BBS9: variants seen among roughly 807,000 people sequenced by gnomAD.
BBS9 encodes protein PTHB1.
BBS9 carries 89 observed loss-of-function variants against 117.7 expected under a neutral mutation model. That is an observed-to-expected ratio of 0.76 (90% CI 0.64 to 0.90). BBS9 has a LOEUF of 0.90. Ranked by LOEUF, BBS9 falls within the 40% of genes least tolerant of loss-of-function variation. The pLI, the probability that BBS9 is intolerant of heterozygous loss-of-function variation, is 0.00. For missense variants in BBS9, 982 were observed against 1,042.2 expected (o/e 0.94, Z 0.80); for synonymous variants, 379 against 370.9 (o/e 1.02, Z -0.25).
intron 9 of BBS9, among the ~76,000 whole-genome samples, chr7:33,307,647 T>C (rs1808305035): frequency 6.6e-6 from 1 of 152,228 alleles, no homozygotes; most frequent in African/African-American, 2.4e-5. Context: ...TTATTTAATG[T>C]CATCTCTAGA....
intron 19 of BBS9, among the ~76,000 whole-genome samples, chr7:33,488,556 T>C (rs1843427181): frequency 1.3e-5 from 2 of 152,190 alleles, no homozygotes; most frequent in African/African-American, 4.8e-5. Context: ...AACTTTTCTG[T>C]TTCCTTAACA....
At chr7:33,344,676 A>G (rs1563034482) in intron 12 of BBS9, 42 bp downstream of exon 12, 2 of 1,552,052 alleles carry the variant, frequency 1.3e-6, no homozygotes, top group Non-Finnish European at 1.8e-6. Flanking sequence ...AAACAATATG[A>G]TTTATTTCAT....
At chr7:33,554,607 G>A (rs1279637387) in intron 21 of BBS9, among the ~76,000 whole-genome samples, 2 of 152,170 alleles carry the variant, frequency 1.3e-5, no homozygotes, top group African/African-American at 2.4e-5. Context: ...GTGTATGTGA[G>A]TTGGGGAGGG....
At chr7:33,345,793 A>G (rs1305889601) in intron 12 of BBS9, among the ~76,000 whole-genome samples, 1 of 152,248 alleles carries the variant, frequency 6.6e-6, no homozygotes, top group Non-Finnish European at 1.5e-5. Flanking sequence ...TCTACTGATA[A>G]CGTTCAGACA....
chr7:33,628,751 G>C (rs568740767), intron 21 of BBS9, among the ~76,000 whole-genome samples: 2 of 152,302 alleles, frequency 1.3e-5, no homozygotes, highest in Admixed American at 6.5e-5. Flanking sequence ...TTTATTCCCA[G>C]ATAATGTCAT....
intron 19 of BBS9, among the ~76,000 whole-genome samples, chr7:33,392,822 T>C (rs1827284118): frequency 6.6e-6 from 1 of 152,196 alleles, no homozygotes; most frequent in East Asian, 1.9e-4. Context: ...CTATGGACTC[T>C]GAAGATAATT....
At chr7:33,456,488 A>G (rs976461314) in intron 19 of BBS9, among the ~76,000 whole-genome samples, 10 of 152,094 alleles carry the variant, frequency 6.6e-5, no homozygotes, top group African/African-American at 2.2e-4. Flanking sequence ...AGTCTAATAC[A>G]AAGTTATTTT....
At chr7:33,251,696 A>G (rs1224829361) in intron 5 of BBS9, among the ~76,000 whole-genome samples, 1 of 152,246 alleles carries the variant, frequency 6.6e-6, no homozygotes, top group Non-Finnish European at 1.5e-5. Context: ...TTCCACTGCT[A>G]GGTCTAGTTT....
At chr7:33,359,705 T>C (rs546397875) in intron 16 of BBS9, among the ~76,000 whole-genome samples, 1 of 152,244 alleles carries the variant, frequency 6.6e-6, no homozygotes, top group African/African-American at 2.4e-5. Flanking sequence ...CTTCTGTGTC[T>C]GTTTTTTTTA....
At chr7:33,362,653 T>C (rs1820839314) in intron 16 of BBS9, among the ~76,000 whole-genome samples, 1 of 152,242 alleles carries the variant, frequency 6.6e-6, no homozygotes, top group Non-Finnish European at 1.5e-5. Context: ...CATTGTGTTT[T>C]GATGACTGTA....
intron 21 of BBS9, among the ~76,000 whole-genome samples, chr7:33,579,482 G>T (rs555545305): frequency 6.6e-6 from 1 of 152,096 alleles, no homozygotes; most frequent in Non-Finnish European, 1.5e-5. Flanking sequence ...GGTTTGGCCC[G>T]GCGTGTATCA....
Position 33,600,323 on chromosome 7 carries a change from T to C in BBS9, c.2522-4542T>C, listed in dbSNP as rs1012345223. On this transcript the variant is annotated intron_variant, in intron 21 of 22. Coordinates refer to ENST00000242067, the MANE Select transcript of BBS9 (RefSeq NM_198428.3). Reference sequence around the variant, plus strand: ...TGATGTCTTATTCATTTAATTTTTCTACTAGTTCTTTTTATTCATTTCTGT... The same window carrying C: ...TGATGTCTTATTCATTTAATTTTTCCACTAGTTCTTTTTATTCATTTCTGT... Among the ~76,000 whole-genome samples the C allele has an allele frequency of 1.3e-5, 2 of 152,194 alleles. 1 individual carries two copies. Among genetic ancestry groups the C allele is most frequent in the African/African-American group, 4.8e-5 (2 of 41,452 alleles).
Position 33,612,313 on chromosome 7 carries a change from C to T in BBS9, c.2522-22864C>T, listed in dbSNP as rs181185635. On this transcript the variant is annotated intron_variant, in intron 21 of 21. Coordinates refer to the BBS9 transcript ENST00000671952. The stretch of plus-strand genomic sequence containing the variant: ...TTTCTGAAAGAAAACATTAAACATT[C>T]TCCAGACTTTAATCACATGAGGATG... 3.3e-5 allele frequency among the ~76,000 whole-genome samples: 5 copies of T among 152,156 alleles called. No individual in the cohort carries two copies. The East Asian group carries it at 9.6e-4, about 29-fold the overall frequency.
chr7:33,268,344 C>T (rs1453673010), intron 7 of BBS9, among the ~76,000 whole-genome samples: 1 of 152,210 alleles, frequency 6.6e-6, no homozygotes, highest in South Asian at 2.1e-4. Context: ...GTCTTGTTAA[C>T]TCCAACTGCT....
chr7:33,457,110 T>C (rs532118297), intron 19 of BBS9, among the ~76,000 whole-genome samples: 1 of 152,246 alleles, frequency 6.6e-6, no homozygotes, highest in African/African-American at 2.4e-5. Context: ...GAGATTAGGG[T>C]TTACCCTTTT....
chr7:33,314,757 C>T lies in BBS9; in HGVS notation c.1017-21684C>T, dbSNP rs572322846. ...TCACATAGTCTTTGCCTTGAGAGAG[C>T]GTACAGTCTATTCAAAGTTGACACA... is the stretch of plus-strand genomic sequence containing the variant. On this transcript the variant is annotated intron_variant, in intron 9 of 22. Transcript: ENST00000242067. 1.9e-3 allele frequency among the ~76,000 whole-genome samples: 291 copies of T among 152,194 alleles called. 2 individuals are homozygous for T. The highest frequency in any genetic ancestry group is 3.9e-3 in the Non-Finnish European group (262 of 68,010).
In BBS9 at chr7:33,576,065, A is replaced by G. The variant is rs567018027; in HGVS notation, c.2522-28800A>G. ...TGGAAGTTCTGGCCAGGGCAACCAG[A>G]CAAGAGAAAGAAATAAAGGGTATTC... is the stretch of plus-strand genomic sequence containing the variant. On this transcript the variant is annotated intron_variant, in intron 21 of 22. Transcript: ENST00000242067. Among the ~76,000 whole-genome samples, 625 of 152,164 alleles carry G rather than the reference A, an allele frequency of 4.1e-3. 6 individuals are homozygous for G. Among genetic ancestry groups the G allele is most frequent in the African/African-American group, 0.014 (591 of 41,552 alleles).
intron 9 of BBS9, among the ~76,000 whole-genome samples, chr7:33,315,195 A>G (rs891106862): frequency 2.0e-5 from 3 of 152,180 alleles, no homozygotes; most frequent in African/African-American, 4.8e-5. Context: ...CAAGGTGTCA[A>G]CAGGGCTGGT....
intron 19 of BBS9, among the ~76,000 whole-genome samples, chr7:33,465,124 C>T (rs1839978550): frequency 6.6e-6 from 1 of 151,746 alleles, no homozygotes; most frequent in African/African-American, 2.4e-5. Flanking sequence ...AGCCAGAGTT[C>T]CTGTACGTGT....
Sources: allele counts gnomAD v4.1 joint callset (sites outside exome capture counted in the v4.1 genomes callset), GRCh38; gene constraint gnomAD v4.1.1; transcripts MANE v1.5; gene names NCBI Gene and HGNC (gene_info 2026-07-23, HGNC 2026-07-21).